The following SHB variants were observed in gnomAD, a reference collection of about 807,000 sequenced individuals.
SHB encodes SH2 domain containing adaptor protein B, also known as SH2 domain-containing adapter protein B.
Under a neutral mutation model 52.3 loss-of-function variants are expected in SHB, and 20 were observed. The observed-to-expected ratio is 0.38, with a 90% CI of 0.27 to 0.56. SHB has a LOEUF of 0.56. Ranked by LOEUF, SHB falls within the 20% of genes least tolerant of loss-of-function variation. The probability of loss-of-function intolerance (pLI) is 0.71; values close to 1 mark genes in which losing one functional copy is unlikely to be tolerated. For synonymous variants in SHB, 397 were observed against 316.5 expected, an observed-to-expected ratio of 1.25 and a Z score of -2.70; for missense variants, 825 against 723.3, an observed-to-expected ratio of 1.14 and a Z score of -1.61.
intron 1 of SHB, among the ~76,000 whole-genome samples, chr9:38,055,502 T>G (rs934958753): frequency 6.6e-6 from 1 of 151,922 alleles, no homozygotes; most frequent in Non-Finnish European, 1.5e-5. Flanking sequence ...AAAATTTGAG[T>G]GACCAAAATC....
intron 1 of SHB, among the ~76,000 whole-genome samples, chr9:38,066,306 CAAG>C (rs774620457): frequency 2.0e-5 from 3 of 152,152 alleles, no homozygotes; most frequent in Non-Finnish European, 4.4e-5. Context: ...TGCAGGGTAA[CAAG>C]GAGGATGCAT....
chr9:37,991,328 T>C (rs931546826), intron 2 of SHB, among the ~76,000 whole-genome samples: 4 of 152,242 alleles, frequency 2.6e-5, no homozygotes, highest in Non-Finnish European at 5.9e-5. Context: ...TCCTCAGGGC[T>C]CCACGCTTTC....
rs189136603 is a variant in SHB at position 37,974,535 on chromosome 9, G to A, written c.1054+87C>T. ...CCAACTGGATTATTAAACAACCCTG[G>A]AGTTTGTCCTGAGCGCAGGTGGGGA... On this transcript the variant is annotated intron_variant, in intron 3 of 5. Transcript: ENST00000377707. The A allele has an allele frequency of 1.8e-5, 20 of 1,117,968 alleles. No homozygotes were observed. In the South Asian group the frequency reaches 2.5e-4, roughly 14 times the overall value. The allele number at this position is 1,117,968 out of a possible 1,614,324, so 69.3% of individuals were successfully genotyped here.
At chr9:37,997,164 G>A (rs983592965) in intron 2 of SHB, among the ~76,000 whole-genome samples, 4 of 152,176 alleles carry the variant, frequency 2.6e-5, no homozygotes, top group Non-Finnish European at 4.4e-5. Context: ...TGGCAGCCAC[G>A]TCTCCCCTCT....
At chr9:38,012,523 A>G (rs944841737) in intron 2 of SHB, among the ~76,000 whole-genome samples, 1 of 151,970 alleles carries the variant, frequency 6.6e-6, no homozygotes, top group Admixed American at 6.6e-5. Context: ...CCCTCATTCC[A>G]TATGTAAGTA....
At chr9:37,998,999 C>T (rs1820981721) in intron 2 of SHB, among the ~76,000 whole-genome samples, 1 of 152,200 alleles carries the variant, frequency 6.6e-6, no homozygotes, top group South Asian at 2.1e-4. Context: ...CAAGGCAGAA[C>T]AAGAGGGAGG....
chr9:37,978,351 A>G (rs1334271293), intron 2 of SHB, among the ~76,000 whole-genome samples: 1 of 152,216 alleles, frequency 6.6e-6, no homozygotes, highest in Non-Finnish European at 1.5e-5. Flanking sequence ...TTATAACGGT[A>G]ATCATTAAAA....
intron 1 of SHB, among the ~76,000 whole-genome samples, chr9:38,041,624 G>T (rs1452583972): frequency 3.3e-5 from 5 of 152,136 alleles, no homozygotes; most frequent in Non-Finnish European, 7.3e-5. Flanking sequence ...GGGTGGTGGT[G>T]GGGTGGAGAT....
chr9:38,020,656 C>T (rs535605644), intron 1 of SHB, among the ~76,000 whole-genome samples: 158 of 152,284 alleles, frequency 1.0e-3, no homozygotes, highest in Non-Finnish European at 1.9e-3. Flanking sequence ...TTGAGCAATT[C>T]GGCCTGTGCA....
chr9:37,948,821 G>A, intron 4 of SHB, 67 bp from the exon 5 acceptor site: 1 of 1,595,824 alleles, frequency 6.3e-7, no homozygotes, highest in African/African-American at 1.3e-5. Context: ...GACCTGCCTT[G>A]GGAGACTCAG....
intron 2 of SHB, among the ~76,000 whole-genome samples, chr9:37,986,154 C>T (rs1322323722): frequency 6.6e-6 from 1 of 152,136 alleles, no homozygotes; most frequent in Non-Finnish European, 1.5e-5. Flanking sequence ...CAAGGAGACA[C>T]CTTGAGGGCC....
intron 1 of SHB, among the ~76,000 whole-genome samples, chr9:38,022,006 T>G (rs546785478): frequency 6.6e-6 from 1 of 152,364 alleles, no homozygotes; most frequent in African/African-American, 2.4e-5. Flanking sequence ...TGCCAGGCCC[T>G]TGACTTCTGC....
At chr9:38,034,023 G>A (rs562464931) in intron 1 of SHB, among the ~76,000 whole-genome samples, 2 of 152,112 alleles carry the variant, frequency 1.3e-5, no homozygotes, top group Non-Finnish European at 2.9e-5. Context: ...CTCACCCTTC[G>A]CCATTAAAAA....
intron 2 of SHB, among the ~76,000 whole-genome samples, chr9:38,007,566 T>C (rs928723741): frequency 7.2e-5 from 11 of 152,092 alleles, no homozygotes; most frequent in South Asian, 2.1e-4. Flanking sequence ...TGGAGGAGGA[T>C]AGGAGGTCCC....
chr9:38,049,964 T>C (rs1821718518), intron 1 of SHB, among the ~76,000 whole-genome samples: 1 of 152,140 alleles, frequency 6.6e-6, no homozygotes, highest in African/African-American at 2.4e-5. Context: ...CACACCCGGC[T>C]AATTTTTGTA....
chr9:38,037,051 C>A (rs1422881298), intron 1 of SHB, among the ~76,000 whole-genome samples: 1 of 152,166 alleles, frequency 6.6e-6, no homozygotes, highest in African/African-American at 2.4e-5. Context: ...GTGCAGGACC[C>A]CGCAGCACGG....
intron 1 of SHB, among the ~76,000 whole-genome samples, chr9:38,065,747 G>C (rs1207851035): frequency 6.6e-6 from 1 of 152,164 alleles, no homozygotes; most frequent in African/African-American, 2.4e-5. Flanking sequence ...CACTCTCGCA[G>C]CTAAATCCCT....
At chr9:38,050,484 C>T (rs1821725026) in intron 1 of SHB, among the ~76,000 whole-genome samples, 1 of 152,066 alleles carries the variant, frequency 6.6e-6, no homozygotes, top group Non-Finnish European at 1.5e-5. Context: ...CAAGGGAAGC[C>T]CTGATTTCCC....
chr9:38,043,980 T>C (rs1011560367), intron 1 of SHB, among the ~76,000 whole-genome samples: 3 of 152,150 alleles, frequency 2.0e-5, no homozygotes, highest in African/African-American at 7.2e-5. Flanking sequence ...TCCAGGGCCA[T>C]GGCCCCTATG....
Sources: allele counts gnomAD v4.1 joint callset (sites outside exome capture counted in the v4.1 genomes callset), GRCh38; gene constraint gnomAD v4.1.1; transcripts MANE v1.5; gene names NCBI Gene and HGNC (gene_info 2026-07-23, HGNC 2026-07-21).